The following HECW1 variants were observed in gnomAD, a reference collection of about 807,000 sequenced individuals.
HECW1 encodes the protein E3 ubiquitin-protein ligase HECW1.
In HECW1, 61 loss-of-function variants were observed where a neutral mutation model predicts 182.3. The ratio of observed to expected loss-of-function variants is 0.33; its 90% CI spans 0.27 to 0.41. HECW1 has a LOEUF of 0.41. Among genes scored for constraint, HECW1 ranks in the 10% least tolerant of loss-of-function variants. The probability of loss-of-function intolerance (pLI) is 1.00; values close to 1 mark genes in which losing one functional copy is unlikely to be tolerated. For missense variants in HECW1, 1,739 were observed against 2,108.9 expected (o/e 0.82, Z 3.44); for synonymous variants, 859 against 832.6 (o/e 1.03, Z -0.55).
At chr7:43,147,763 C>T (rs185893071) in intron 2 of HECW1, among the ~76,000 whole-genome samples, 3 of 152,034 alleles carry the variant, frequency 2.0e-5, no homozygotes, top group African/African-American at 4.8e-5. Context: ...GTTTCAGCTG[C>T]GAAGGGACTG....
intron 2 of HECW1, among the ~76,000 whole-genome samples, chr7:43,195,952 C>T (rs1234661527): frequency 6.6e-6 from 1 of 152,116 alleles, no homozygotes; most frequent in African/African-American, 2.4e-5. Flanking sequence ...TGTTAATGAG[C>T]GTATAATGAG....
In HECW1 at chr7:43,170,426, G is replaced by A. The variant is rs548861304; in HGVS notation, c.-32+56035G>A. On this transcript the variant is annotated intron_variant, in intron 2 of 29. Coordinates refer to ENST00000395891, the MANE Select transcript of HECW1 (RefSeq NM_015052.5). ...CGTGGTCCCAAAAAGGTTGGAGACC[G>A]CTGGTTTCACGGGCACCCTTGGCTC... is the stretch of plus-strand genomic sequence containing the variant. Among the ~76,000 whole-genome samples, 7 of 152,238 alleles carry A rather than the reference G, an allele frequency of 4.6e-5. No individual in the cohort carries two copies. The East Asian group carries it at 5.8e-4, about 13-fold the overall frequency.
rs1383932438 is a variant in HECW1 at position 43,416,523 on chromosome 7, C to T, written c.801+8792C>T. Among the ~76,000 whole-genome samples the T allele has an allele frequency of 2.6e-5, 4 of 152,190 alleles. No homozygotes were observed. The East Asian group carries it at 7.7e-4, about 29-fold the overall frequency. ...CCCCCAGAGGTGGGGCCTACAGTGG[C>T]AGGCAGGCCTCCTTGAGCTGTGGTG... On this transcript the variant is annotated intron_variant, in intron 8 of 29. Coordinates refer to ENST00000395891, the MANE Select transcript of HECW1 (RefSeq NM_015052.5).
At chr7:43,546,016 A>C (rs2081544621) in intron 26 of HECW1, among the ~76,000 whole-genome samples, 1 of 152,210 alleles carries the variant, frequency 6.6e-6, no homozygotes, top group Non-Finnish European at 1.5e-5. Flanking sequence ...GCAGTCAAAC[A>C]ATCAGAACCG....
At chr7:43,121,247 AGTT>A (rs1185043492) in intron 2 of HECW1, among the ~76,000 whole-genome samples, 4 of 152,128 alleles carry the variant, frequency 2.6e-5, no homozygotes, top group African/African-American at 7.2e-5. Context: ...TGAATCACTT[AGTT>A]GTTGTTATTG....
chr7:43,466,360 G>A (rs768896350), intron 14 of HECW1, 87 bp from the exon 15 acceptor site: 157 of 1,376,142 alleles, frequency 1.1e-4, no homozygotes, highest in East Asian at 2.7e-4. Context: ...GTGAAGGCTT[G>A]TGTGCTGCCA....
At chr7:43,308,290 A>T (rs1242134576) in intron 3 of HECW1, among the ~76,000 whole-genome samples, 5 of 96,666 alleles carry the variant, frequency 5.2e-5, no homozygotes, top group African/African-American at 7.2e-5. Context: ...TGATATATTT[A>T]TATATATTAT....
chr7:43,541,654 T>G (rs1392915264), intron 25 of HECW1, among the ~76,000 whole-genome samples: 1 of 152,260 alleles, frequency 6.6e-6, no homozygotes, highest in African/African-American at 2.4e-5. Context: ...TATTTCATGT[T>G]TGTTATTGTA....
chr7:43,360,781 G>T (rs575204039), intron 5 of HECW1, 105 bp from the exon 6 acceptor site: 2 of 829,606 alleles, frequency 2.4e-6, no homozygotes, highest in Non-Finnish European at 2.1e-6. Flanking sequence ...TGGCTTGCTC[G>T]TGGGGGAATT....
intron 3 of HECW1, among the ~76,000 whole-genome samples, chr7:43,300,707 C>A (rs543222496): frequency 6.6e-6 from 1 of 152,244 alleles, no homozygotes; most frequent in East Asian, 1.9e-4. Context: ...AGTGCTGCTG[C>A]TGCTGGTTCA....
At chr7:43,156,840 C>G (rs1789933589) in intron 2 of HECW1, among the ~76,000 whole-genome samples, 1 of 151,882 alleles carries the variant, frequency 6.6e-6, no homozygotes, top group Non-Finnish European at 1.5e-5. Flanking sequence ...TCTTCCCACA[C>G]CAAAGTGATC....
Position 43,396,863 on chromosome 7 carries a change from G to C in HECW1, c.605G>C (p.Arg202Pro), listed in dbSNP as rs779347290. 1 of 1,612,860 alleles carries C rather than the reference G, an allele frequency of 6.2e-7. No homozygotes were observed. Among genetic ancestry groups the C allele is most frequent in the Non-Finnish European group, 8.5e-7 (1 of 1,179,614 alleles). ...GAGACCGTCCAAGGACAAGGAAGTC[G>C]GAGGCTGATCAGCTTCTCTCTCTCA... ...ADETVQGQGS[R>P]RLISFSLSDF... The change falls in exon 7 of 30, where the codon CGG becomes CCG. Residue 202 changes from arginine to proline, a missense_variant. Physicochemically the swap from Arg to Pro is moderately radical, Grantham distance 103. Around this residue, in one of 5 missense-constraint regions of HECW1, gnomAD observed 279 missense variants for 353.1 expected, o/e 0.79. Transcript: ENST00000395891.
At chr7:43,471,473 T>C (rs1284443549) in intron 16 of HECW1, among the ~76,000 whole-genome samples, 1 of 152,144 alleles carries the variant, frequency 6.6e-6, no homozygotes, top group Non-Finnish European at 1.5e-5. Context: ...TGGTAGGAAG[T>C]AGAAGGGATG....
rs368815970 is a variant in HECW1, at chr7:43,266,814, A to G, written c.27+22882A>G. Among the ~76,000 whole-genome samples, 32 of 152,376 alleles carry G rather than the reference A, an allele frequency of 2.1e-4. No individual in the cohort carries two copies. In the East Asian group the frequency reaches 5.2e-3, roughly 25 times the overall value. Reference sequence around the variant, plus strand: ...AAAATTCATCTATATTCTATTTAAAAGAGACACGCAAAAGGAATGATTAAA... The same window carrying G: ...AAAATTCATCTATATTCTATTTAAAGGAGACACGCAAAAGGAATGATTAAA... On this transcript the variant is annotated intron_variant, in intron 3 of 29. Coordinates refer to ENST00000395891, the MANE Select transcript of HECW1 (RefSeq NM_015052.5).
chr7:43,342,547 T>C (rs1813123940), intron 5 of HECW1, among the ~76,000 whole-genome samples: 1 of 151,590 alleles, frequency 6.6e-6, no homozygotes, highest in South Asian at 2.1e-4. Context: ...TTACTTAATC[T>C]TTTTGAGCAT....
chr7:43,247,163 C>T (rs1313631589), intron 3 of HECW1, among the ~76,000 whole-genome samples: 2 of 152,200 alleles, frequency 1.3e-5, no homozygotes, highest in African/African-American at 4.8e-5. Flanking sequence ...GTTTTGACTA[C>T]AATGCCAAGG....
At chr7:43,251,741 T>C (rs28538839) in intron 3 of HECW1, among the ~76,000 whole-genome samples, 34,278 of 152,232 alleles carry the variant, frequency 0.23, 4,168 homozygotes, top group Middle Eastern at 0.39. Flanking sequence ...TATTTCCTCT[T>C]TTCTCCCTTA....
chr7:43,218,085 A>G (rs1048671268), intron 2 of HECW1, among the ~76,000 whole-genome samples: 1 of 152,222 alleles, frequency 6.6e-6, no homozygotes, highest in Non-Finnish European at 1.5e-5. Context: ...ATGGCCCAAC[A>G]AAGTCTGTGT....
At chr7:43,242,619 A>G (rs186664662) in intron 2 of HECW1, among the ~76,000 whole-genome samples, 5 of 152,334 alleles carry the variant, frequency 3.3e-5, no homozygotes, top group Admixed American at 3.3e-4. Flanking sequence ...GCTCTGACCT[A>G]TCACAGAAAT....
Sources: allele counts gnomAD v4.1 joint callset (sites outside exome capture counted in the v4.1 genomes callset), GRCh38; gene constraint gnomAD v4.1.1; regional missense constraint gnomAD v4.1.1; transcripts MANE v1.5; gene names NCBI Gene and HGNC (gene_info 2026-07-23, HGNC 2026-07-21).